The following PEX7 variants were observed in gnomAD, a reference collection of about 807,000 sequenced individuals.
PEX7 encodes peroxisomal biogenesis factor 7.
Under a neutral mutation model 47.5 loss-of-function variants are expected in PEX7, and 34 were observed. The ratio of observed to expected loss-of-function variants is 0.72; its 90% CI spans 0.54 to 0.95. PEX7 has a LOEUF of 0.95. Among genes scored for constraint, PEX7 ranks in the 40% least tolerant of loss-of-function variants. PEX7 has a pLI of 0.00. For synonymous variants in PEX7, 141 were observed against 148.8 expected (o/e 0.95, Z 0.38); for missense variants, 394 against 400.3 (o/e 0.98, Z 0.13).
chr6:136,907,125 T>C (rs913659869), intron 9 of PEX7, among the ~76,000 whole-genome samples: 21 of 152,176 alleles, frequency 1.4e-4, no homozygotes, highest in African/African-American at 5.1e-4. Context: ...AGAATTAAGT[T>C]CTTCTCTTCC....
intron 9 of PEX7, among the ~76,000 whole-genome samples, chr6:136,902,264 C>T (rs186063791): frequency 6.6e-6 from 1 of 152,270 alleles, no homozygotes; most frequent in East Asian, 1.9e-4. Context: ...GTGATCTTAG[C>T]AGCTGTAGGA....
At chr6:136,894,477 CT>C (rs1230080293) in intron 8 of PEX7, among the ~76,000 whole-genome samples, 1 of 152,186 alleles carries the variant, frequency 6.6e-6, no homozygotes, top group African/African-American at 2.4e-5. Context: ...GTAATTCCAG[CT>C]ACTCAGGAGG....
At chr6:136,841,363 C>A (rs1337720405) in intron 3 of PEX7, among the ~76,000 whole-genome samples, 1 of 152,132 alleles carries the variant, frequency 6.6e-6, no homozygotes, top group Non-Finnish European at 1.5e-5. Flanking sequence ...AGGCACAAAA[C>A]CTTGGTGTTA....
intron 5 of PEX7, among the ~76,000 whole-genome samples, chr6:136,865,585 C>A (rs1775053459): frequency 6.6e-6 from 1 of 152,140 alleles, no homozygotes; most frequent in Non-Finnish European, 1.5e-5. Flanking sequence ...AGGCGTGAGC[C>A]ACCACGCCTG....
intron 8 of PEX7, among the ~76,000 whole-genome samples, chr6:136,888,501 A>G (rs2115257768): frequency 6.6e-6 from 1 of 152,272 alleles, no homozygotes; most frequent in South Asian, 2.1e-4. Context: ...CTCACCAATA[A>G]CTTTAGAAAA....
At chr6:136,878,192 A>G (rs1775309599) in intron 8 of PEX7, among the ~76,000 whole-genome samples, 1 of 152,214 alleles carries the variant, frequency 6.6e-6, no homozygotes, top group South Asian at 2.1e-4. Context: ...TATCAGCTTA[A>G]GGAGATTCTG....
intron 3 of PEX7, among the ~76,000 whole-genome samples, chr6:136,831,050 A>G (rs1468795979): frequency 6.6e-6 from 1 of 152,232 alleles, no homozygotes; most frequent in African/African-American, 2.4e-5. Context: ...TGATAATGAT[A>G]GAAGCTGAGA....
intron 8 of PEX7, among the ~76,000 whole-genome samples, chr6:136,888,606 A>G (rs1775506758): frequency 6.6e-6 from 1 of 152,080 alleles, no homozygotes; most frequent in South Asian, 2.1e-4. Context: ...TTTAGTACTG[A>G]ATTTATTCTG....
chr6:136,835,159 A>C (rs1450732409), intron 3 of PEX7, among the ~76,000 whole-genome samples: 1 of 151,160 alleles, frequency 6.6e-6, no homozygotes, highest in Non-Finnish European at 1.5e-5. Flanking sequence ...TCCTGACCTG[A>C]GGTGTTCTGG....
intron 9 of PEX7, among the ~76,000 whole-genome samples, chr6:136,903,239 A>C (rs1341425486): frequency 6.6e-6 from 1 of 152,050 alleles, no homozygotes; most frequent in Non-Finnish European, 1.5e-5. Flanking sequence ...CCTCTTCCCA[A>C]ATCTGAACCC....
chr6:136,832,109 G>A (rs1325839284), intron 3 of PEX7, among the ~76,000 whole-genome samples: 2 of 152,348 alleles, frequency 1.3e-5, no homozygotes, highest in East Asian at 1.9e-4. Flanking sequence ...ACTTCTGCCT[G>A]GACATTCAGG....
chr6:136,886,219 T>C (rs1277509861), intron 8 of PEX7, among the ~76,000 whole-genome samples: 2 of 152,178 alleles, frequency 1.3e-5, no homozygotes, highest in African/African-American at 4.8e-5. Flanking sequence ...TAGGAAGTTA[T>C]CTAGAATCAG....
At chr6:136,826,202 A>G (rs2115131410) in intron 2 of PEX7, 117 bp from the exon 3 acceptor site, 2 of 1,082,052 alleles carry the variant, frequency 1.8e-6, no homozygotes, top group East Asian at 2.4e-5. Flanking sequence ...CATGAGATAT[A>G]CGTGTTAAAA....
intron 8 of PEX7, among the ~76,000 whole-genome samples, chr6:136,878,378 G>A (rs1775315510): frequency 6.6e-6 from 1 of 152,160 alleles, no homozygotes; most frequent in South Asian, 2.1e-4. Flanking sequence ...TCCTTGTCTT[G>A]TGCCGGTTTT....
chr6:136,908,864 G>A (rs556563182), intron 9 of PEX7, among the ~76,000 whole-genome samples: 1 of 151,946 alleles, frequency 6.6e-6, no homozygotes, highest in Non-Finnish European at 1.5e-5. Context: ...TTTTTCCACT[G>A]TGCCCCTGAC....
At position 136,826,387 on chromosome 6, in the gene PEX7, G is replaced by T. The variant is rs61753240; in HGVS notation, c.257G>T (p.Cys86Phe). The T allele has an allele frequency of 1.2e-6, 2 of 1,613,874 alleles. No homozygotes were observed. Among genetic ancestry groups the T allele is most frequent in the East Asian group, 4.5e-5 (2 of 44,872 alleles). ...AACAACGAACATGTCCTCATCACCT[G>T]TAGTGGCGATGGCTCGCTGCAGCTC... ...SENNEHVLIT[C>F]SGDGSLQLWD... Residue 86 changes from cysteine to phenylalanine, a missense_variant, in exon 3 of 10, where the codon TGT (cysteine) becomes TTT (phenylalanine). Cys to Phe is a radical substitution (Grantham distance 205, BLOSUM62 -2). Transcript: ENST00000318471.
At chr6:136,846,505 C>T (rs976390218) in intron 5 of PEX7, among the ~76,000 whole-genome samples, 10 of 152,088 alleles carry the variant, frequency 6.6e-5, no homozygotes, top group Non-Finnish European at 1.5e-4. Flanking sequence ...TCCCCCACCC[C>T]ATGACAGGCC....
chr6:136,869,885 T>C lies in PEX7; in HGVS notation c.634-5T>C, dbSNP rs764748753. 1 of 1,608,474 alleles carries C rather than the reference T, an allele frequency of 6.2e-7. No homozygotes were observed. The highest frequency in any genetic ancestry group is 1.1e-5 in the South Asian group (1 of 90,948). ...ACAGTTTATGTTTCTCTGAATTGTT[T>C]TTAGAATTTGCTGGTGACCGGGGCG... On this transcript the variant is annotated splice_polypyrimidine_tract_variant and splice_region_variant and intron_variant, in intron 6 of 9. Coordinates refer to ENST00000318471, the MANE Select transcript of PEX7 (RefSeq NM_000288.4).
chr6:136,834,832 T>G (rs1223089965), intron 3 of PEX7, among the ~76,000 whole-genome samples: 1 of 152,256 alleles, frequency 6.6e-6, no homozygotes, highest in Non-Finnish European at 1.5e-5. Flanking sequence ...ATCTGCTTCT[T>G]TAAGTATTAG....
Sources: gnomAD v4.1 joint callset for allele counts (sites outside exome capture counted in the v4.1 genomes callset) on GRCh38, gnomAD v4.1.1 for gene constraint, MANE v1.5 for transcripts, NCBI Gene and HGNC (gene_info 2026-07-23, HGNC 2026-07-21) for gene names.